The following CACNA1E variants were observed in gnomAD, a reference collection of about 807,000 sequenced individuals.
CACNA1E encodes the protein voltage-dependent R-type calcium channel subunit alpha-1E.
CACNA1E carries 40 observed loss-of-function variants against 259.2 expected under a neutral mutation model. The observed-to-expected ratio is 0.15, with a 90% CI of 0.12 to 0.20. The LOEUF is 0.20. CACNA1E is among the 10% of genes least tolerant of loss of function. CACNA1E has a pLI of 1.00. For synonymous variants in CACNA1E, 1,104 were observed against 1,138.5 expected (o/e 0.97, Z 0.61); for missense variants, 1,874 against 3,040.1 (o/e 0.62, Z 9.02).
intron 6 of CACNA1E, among the ~76,000 whole-genome samples, chr1:181,633,690 C>T (rs1454717633): frequency 6.6e-6 from 1 of 152,100 alleles, no homozygotes; most frequent in African/African-American, 2.4e-5. Context: ...CAGGGTTTCA[C>T]CAAGTTGGCC....
At chr1:181,325,639 A>ATTTT (rs1391824845) in intron 1 of CACNA1E, among the ~76,000 whole-genome samples, 1 of 107,568 alleles carries the variant, frequency 9.3e-6, no homozygotes, top group African/African-American at 3.1e-5. Context: ...CTAGTTTTTT[A>ATTTT]TTTTTATTTA....
intron 1 of CACNA1E, among the ~76,000 whole-genome samples, chr1:181,353,597 G>C (rs889681962): frequency 5.9e-5 from 9 of 152,188 alleles, no homozygotes; most frequent in African/African-American, 2.2e-4. Flanking sequence ...GTGACGGATG[G>C]GGGTGGGAAG....
At position 181,483,996 on chromosome 1, in the gene CACNA1E, G is replaced by T. The variant is rs1206676186; in HGVS notation, c.252G>T (p.Lys84Asn). The part of the protein sequence containing the change: ...EDNIVRKYAK[K>N]LIDWPPFEYM... ...ACATTGTCAGGAAATATGCCAAGAA[G>T]CTCATCGATTGGCCATATCCTTTCT... Residue 84 changes from lysine (K) to asparagine (N), a missense_variant, in exon 1 of 48, where the codon AAG (lysine) becomes AAT (asparagine). Around this residue, in one of 14 missense-constraint regions of CACNA1E, gnomAD observed 110 missense variants for 122.8 expected, o/e 0.90. Transcript: ENST00000367573. The T allele has an allele frequency of 6.2e-7, 1 of 1,613,698 alleles. No homozygotes were observed. The highest frequency in any genetic ancestry group is 8.5e-7 in the Non-Finnish European group (1 of 1,179,758).
intron 37 of CACNA1E, among the ~76,000 whole-genome samples, chr1:181,774,382 A>G (rs891271540): frequency 6.6e-6 from 1 of 152,254 alleles, no homozygotes; most frequent in Non-Finnish European, 1.5e-5. Flanking sequence ...AGAGGCAGAA[A>G]GACAGGCCCA....
At chr1:181,570,285 G>A (rs1436531047) in intron 3 of CACNA1E, among the ~76,000 whole-genome samples, 3 of 152,014 alleles carry the variant, frequency 2.0e-5, no homozygotes, top group Non-Finnish European at 4.4e-5. Flanking sequence ...AGTGGTAGGG[G>A]ATTTGGGTGC....
intron 3 of CACNA1E, among the ~76,000 whole-genome samples, chr1:181,547,436 G>A (rs1045284873): frequency 5.3e-5 from 8 of 152,282 alleles, no homozygotes; most frequent in Non-Finnish European, 1.0e-4. Context: ...ACGATGACAC[G>A]GGCTGGTGCA....
chr1:181,671,249 C>G (rs1294166529), intron 7 of CACNA1E, among the ~76,000 whole-genome samples: 2 of 152,130 alleles, frequency 1.3e-5, no homozygotes, highest in Non-Finnish European at 2.9e-5. Flanking sequence ...TGGTCTCAAA[C>G]TCCTCAGCTC....
chr1:181,676,713 T>A (rs2102235868), intron 7 of CACNA1E, among the ~76,000 whole-genome samples: 1 of 152,300 alleles, frequency 6.6e-6, no homozygotes, highest in Middle Eastern at 3.4e-3. Flanking sequence ...TGAACTAATA[T>A]CCCCTATGGA....
intron 2 of CACNA1E, among the ~76,000 whole-genome samples, chr1:181,415,171 T>C (rs982044118): frequency 1.3e-5 from 2 of 152,222 alleles, no homozygotes; most frequent in Non-Finnish European, 2.9e-5. Flanking sequence ...GCTGAGACTG[T>C]CATGCACATT....
chr1:181,605,144 C>T (rs761430450), intron 6 of CACNA1E, among the ~76,000 whole-genome samples: 8 of 152,090 alleles, frequency 5.3e-5, no homozygotes, highest in Non-Finnish European at 7.3e-5. Context: ...CATACATTCA[C>T]GTGCTTAACT....
chr1:181,489,509 G>A (rs1486604489), intron 1 of CACNA1E, among the ~76,000 whole-genome samples: 2 of 152,160 alleles, frequency 1.3e-5, no homozygotes, highest in African/African-American at 4.8e-5. Context: ...AAAGGAAGCT[G>A]GGGAGAAATC....
intron 6 of CACNA1E, among the ~76,000 whole-genome samples, chr1:181,630,018 C>A (rs1411126043): frequency 4.0e-5 from 6 of 149,836 alleles, no homozygotes; most frequent in African/African-American, 1.0e-4. Flanking sequence ...TGATCCCATT[C>A]AAAAAAATAG....
At chr1:181,560,372 G>T (rs1190435934) in intron 3 of CACNA1E, among the ~76,000 whole-genome samples, 1 of 151,718 alleles carries the variant, frequency 6.6e-6, no homozygotes, top group African/African-American at 2.4e-5. Flanking sequence ...TACCATTTTG[G>T]TATATTTCCT....
chr1:181,385,992 T>A (rs1487651101), intron 1 of CACNA1E, among the ~76,000 whole-genome samples: 1 of 152,226 alleles, frequency 6.6e-6, no homozygotes, highest in African/African-American at 2.4e-5. Context: ...TAAATAAGAT[T>A]TTTGTTCTCA....
At chr1:181,643,712 C>A (rs1658009884) in intron 6 of CACNA1E, among the ~76,000 whole-genome samples, 1 of 152,136 alleles carries the variant, frequency 6.6e-6, no homozygotes. Context: ...TTCCCACTGG[C>A]AAAAGAAGGG....
chr1:181,329,831 G>C (rs952631756), intron 1 of CACNA1E, among the ~76,000 whole-genome samples: 1 of 152,206 alleles, frequency 6.6e-6, no homozygotes, highest in Non-Finnish European at 1.5e-5. Flanking sequence ...CAGGCAGAAA[G>C]TTCCCTAAGG....
intron 1 of CACNA1E, among the ~76,000 whole-genome samples, chr1:181,399,743 G>A (rs572278207): frequency 5.1e-4 from 77 of 152,366 alleles, no homozygotes; most frequent in Non-Finnish European, 8.2e-4. Flanking sequence ...CTACGTGCCA[G>A]TGAGGACAGT....
intron 28 of CACNA1E, 141 bp downstream of exon 28, chr1:181,755,538 A>T (rs1658015350): frequency 4.2e-6 from 3 of 713,332 alleles, no homozygotes; most frequent in Admixed American, 2.6e-5. Flanking sequence ...AATGGAATCA[A>T]TAAACTTTTT....
intron 1 of CACNA1E, among the ~76,000 whole-genome samples, chr1:181,349,948 A>T (rs1055421261): frequency 6.6e-6 from 1 of 152,120 alleles, no homozygotes; most frequent in Non-Finnish European, 1.5e-5. Flanking sequence ...TTCAGACCTG[A>T]TCCAGCCTCA....
Sources: gnomAD v4.1 joint callset for allele counts (sites outside exome capture counted in the v4.1 genomes callset) on GRCh38, gnomAD v4.1.1 for gene constraint, gnomAD v4.1.1 regional missense constraint, MANE v1.5 for transcripts, NCBI Gene and HGNC (gene_info 2026-07-23, HGNC 2026-07-21) for gene names.